The following ENTHD1 variants were observed in gnomAD, a reference collection of about 807,000 sequenced individuals.
ENTHD1 encodes the protein ENTH domain containing 1, also known as ENTH domain-containing protein 1.
ENTHD1 carries 23 observed loss-of-function variants against 39.1 expected under a neutral mutation model. That is an observed-to-expected ratio of 0.59 (90% confidence interval 0.42 to 0.83). ENTHD1 has a LOEUF of 0.83. ENTHD1 is among the 40% of genes least tolerant of loss of function. ENTHD1 has a pLI of 0.00. For missense variants in ENTHD1, 624 were observed against 705.4 expected (o/e 0.88, Z 1.31); for synonymous variants, 230 against 258.2 (o/e 0.89, Z 1.05).
rs1197955842 is a variant in ENTHD1 at position 39,887,525 on chromosome 22, A to T, written c.224T>A (p.Leu75His). Residue 75 changes from leucine to histidine, a missense_variant, in exon 2 of 7, where the codon CTT becomes CAT. Transcript: ENST00000325157. ...GKNWRHVYKSLTLMDYLIKNG... is the reference protein window; with the variant it reads ...GKNWRHVYKSHTLMDYLIKNG... ...CTTGATGAGATAATCCATTAGGGTA[A>T]GGGATTTATACACGTGGCGCCAGTT... 3 of 1,614,222 alleles carry T rather than the reference A, an allele frequency of 1.9e-6. No individual in the cohort carries two copies. The highest frequency in any genetic ancestry group is 1.6e-4 in the Middle Eastern group (1 of 6,062).
chr22:39,771,764 C>T (rs2065327775), intron 5 of ENTHD1, among the ~76,000 whole-genome samples: 1 of 151,594 alleles, frequency 6.6e-6, no homozygotes, highest in Non-Finnish European at 1.5e-5. Flanking sequence ...AAATTGAAGG[C>T]AAAATCAAAA....
chr22:39,749,249 G>C (rs1481088901), intron 6 of ENTHD1, among the ~76,000 whole-genome samples: 1 of 152,060 alleles, frequency 6.6e-6, no homozygotes, highest in Non-Finnish European at 1.5e-5. Context: ...AAGTTATTTG[G>C]GTCTCTTGTT....
chr22:39,892,690 C>G (rs1358873858), intron 1 of ENTHD1, among the ~76,000 whole-genome samples: 1 of 151,716 alleles, frequency 6.6e-6, no homozygotes, highest in Non-Finnish European at 1.5e-5. Context: ...ACAATAGCAT[C>G]TAAGAGGCTG....
intron 5 of ENTHD1, among the ~76,000 whole-genome samples, chr22:39,793,912 T>C (rs11703310): frequency 0.1 from 15,497 of 152,254 alleles, 924 homozygotes; most frequent in Middle Eastern, 0.14. Context: ...CTGGTTTGTT[T>C]TCTTTGCTCA....
intron 5 of ENTHD1, among the ~76,000 whole-genome samples, chr22:39,802,071 T>C (rs2065603186): frequency 6.6e-6 from 1 of 152,168 alleles, no homozygotes. Flanking sequence ...ACATCTAAAA[T>C]GTAGCTCTTC....
chr22:39,817,178 A>G (rs1427041550), intron 5 of ENTHD1, among the ~76,000 whole-genome samples: 3 of 152,166 alleles, frequency 2.0e-5, no homozygotes, highest in African/African-American at 4.8e-5. Flanking sequence ...ATTGATACTG[A>G]TATTCTGAAG....
intron 5 of ENTHD1, among the ~76,000 whole-genome samples, chr22:39,811,497 A>G (rs1013206272): frequency 4.6e-5 from 7 of 152,216 alleles, no homozygotes. Flanking sequence ...GAGTAAGGTC[A>G]TGCGTTCTTC....
intron 6 of ENTHD1, among the ~76,000 whole-genome samples, chr22:39,746,684 A>C (rs1181312451): frequency 2.0e-5 from 3 of 152,180 alleles, no homozygotes; most frequent in Admixed American, 2.0e-4. Context: ...TTCTAGGAGA[A>C]AAGTTATCCT....
At chr22:39,843,696 C>A (rs1569164003) in intron 3 of ENTHD1, among the ~76,000 whole-genome samples, 2 of 152,058 alleles carry the variant, frequency 1.3e-5, no homozygotes, top group African/African-American at 4.8e-5. Context: ...ATAACTGTAG[C>A]ACACTTGCAA....
intron 6 of ENTHD1, among the ~76,000 whole-genome samples, chr22:39,744,875 TA>T (rs1484655785): frequency 6.6e-6 from 1 of 152,214 alleles, no homozygotes; most frequent in Non-Finnish European, 1.5e-5. Flanking sequence ...ACCAAGAAAC[TA>T]AGTGAAGTAA....
chr22:39,829,259 C>T (rs1009596330), intron 4 of ENTHD1, among the ~76,000 whole-genome samples: 9 of 151,894 alleles, frequency 5.9e-5, no homozygotes, highest in African/African-American at 1.7e-4. Context: ...AACTTCTAAA[C>T]TTCTTTTGAG....
chr22:39,824,078 T>C (rs912299373), intron 4 of ENTHD1, among the ~76,000 whole-genome samples: 2 of 152,172 alleles, frequency 1.3e-5, no homozygotes, highest in African/African-American at 2.4e-5. Context: ...AAATATTTTT[T>C]CCCAGTCTGT....
intron 1 of ENTHD1, among the ~76,000 whole-genome samples, chr22:39,890,215 G>C (rs1601674743): frequency 6.6e-6 from 1 of 151,816 alleles, no homozygotes; most frequent in South Asian, 2.1e-4. Flanking sequence ...ATTAACCCTA[G>C]GAAGAAAAAG....
intron 5 of ENTHD1, among the ~76,000 whole-genome samples, chr22:39,804,936 A>T (rs1465361634): frequency 6.6e-6 from 1 of 152,188 alleles, no homozygotes; most frequent in Non-Finnish European, 1.5e-5. Flanking sequence ...CAGACTGAGA[A>T]TCCTGAGGAT....
At chr22:39,756,592 C>A (rs1422316648) in intron 6 of ENTHD1, among the ~76,000 whole-genome samples, 1 of 152,228 alleles carries the variant, frequency 6.6e-6, no homozygotes, top group East Asian at 1.9e-4. Flanking sequence ...CTTGGCCTCC[C>A]AAAGTGCTGA....
At chr22:39,763,218 C>T (rs1452727098) in intron 6 of ENTHD1, among the ~76,000 whole-genome samples, 1 of 152,146 alleles carries the variant, frequency 6.6e-6, no homozygotes, top group Admixed American at 6.5e-5. Context: ...TTGCTATATC[C>T]TGAACTCCAA....
At position 39,826,808 on chromosome 22, in the gene ENTHD1, A is replaced by G. The variant is rs576575897; in HGVS notation, c.712-5695T>C. Among the ~76,000 whole-genome samples, 86 of 151,810 alleles carry G rather than the reference A, an allele frequency of 5.7e-4. 3 individuals carry two copies. In the South Asian group the frequency reaches 0.018, roughly 31 times the overall value. On this transcript the variant is annotated intron_variant, in intron 4 of 6. Coordinates refer to ENST00000325157, the MANE Select transcript of ENTHD1 (RefSeq NM_152512.4). ...GAGAAATCTCCGTAGCTTCCACTCA[A>G]TTTTGCTGTGAACCTAAGATGGCTC... is the stretch of plus-strand genomic sequence containing the variant.
chr22:39,823,515 T>G (rs1450817044), intron 4 of ENTHD1, among the ~76,000 whole-genome samples: 1 of 152,006 alleles, frequency 6.6e-6, no homozygotes, highest in African/African-American at 2.4e-5. Flanking sequence ...CGACTAAATT[T>G]TTTTTAATTT....
chr22:39,884,569 T>G (rs2066365907), intron 2 of ENTHD1, among the ~76,000 whole-genome samples: 1 of 150,718 alleles, frequency 6.6e-6, no homozygotes, highest in Non-Finnish European at 1.5e-5. Flanking sequence ...AAAAAGCTTA[T>G]GAAAGAACAA....
Sources: allele counts gnomAD v4.1 joint callset (sites outside exome capture counted in the v4.1 genomes callset), GRCh38; gene constraint gnomAD v4.1.1; transcripts MANE v1.5; gene names NCBI Gene and HGNC (gene_info 2026-07-23, HGNC 2026-07-21).